AGMO: variants seen among roughly 807,000 people sequenced by gnomAD.
AGMO encodes the protein glyceryl-ether monooxygenase.
Under a neutral mutation model 60.2 loss-of-function variants are expected in AGMO, and 75 were observed. That is an observed-to-expected ratio of 1.25 (90% confidence interval 1.03 to 1.51). The LOEUF (loss-of-function observed/expected upper bound fraction) is 1.51. AGMO is among the 40% of genes most tolerant of loss of function. The probability of loss-of-function intolerance (pLI) is 0.00; values close to 1 mark genes in which losing one functional copy is unlikely to be tolerated. For synonymous variants in AGMO, 261 were observed against 177.1 expected, an observed-to-expected ratio of 1.47 and a Z score of -3.76; for missense variants, 763 against 525.5, an observed-to-expected ratio of 1.45 and a Z score of -4.42.
chr7:15,218,237 G>A (rs1282797935), intron 12 of AGMO, among the ~76,000 whole-genome samples: 2 of 151,736 alleles, frequency 1.3e-5, no homozygotes, highest in Non-Finnish European at 2.9e-5. Flanking sequence ...AAAGCAGAAG[G>A]CTGCTATATT....
intron 9 of AGMO, among the ~76,000 whole-genome samples, chr7:15,385,784 C>T (rs1326082792): frequency 6.6e-6 from 1 of 152,104 alleles, no homozygotes. Flanking sequence ...AGAACTAATT[C>T]AACAATATGT....
intron 11 of AGMO, 122 bp from the exon 12 acceptor site, chr7:15,365,741 G>A (rs998218373): frequency 1.4e-6 from 1 of 694,828 alleles, no homozygotes; most frequent in East Asian, 2.8e-5. Context: ...TATTTGAAAA[G>A]CATGTCCCCT....
chr7:15,310,986 A>G (rs1042265680), intron 12 of AGMO, among the ~76,000 whole-genome samples: 2 of 152,094 alleles, frequency 1.3e-5, no homozygotes, highest in East Asian at 1.9e-4. Flanking sequence ...TCCATTTCTA[A>G]AAACACTTCT....
chr7:15,530,672 T>C (rs1275465545), intron 3 of AGMO, among the ~76,000 whole-genome samples: 3 of 140,874 alleles, frequency 2.1e-5, no homozygotes, highest in Non-Finnish European at 4.6e-5. Flanking sequence ...TATTTCTATA[T>C]ATATATTCTA....
chr7:15,441,432 G>C (rs1283910435), intron 3 of AGMO, among the ~76,000 whole-genome samples: 1 of 152,170 alleles, frequency 6.6e-6, no homozygotes, highest in Non-Finnish European at 1.5e-5. Flanking sequence ...CCGTGAGTTT[G>C]GTTTTGGTGC....
chr7:15,292,521 C>T (rs1269889523), intron 12 of AGMO, among the ~76,000 whole-genome samples: 4 of 152,080 alleles, frequency 2.6e-5, no homozygotes. Flanking sequence ...GTACTGTGAA[C>T]ATGATAGTGA....
At chr7:15,135,979 C>CTTTTTTTTTTTTT in the AGMO span, among the ~76,000 whole-genome samples, 6 of 106,862 alleles carry the variant, frequency 5.6e-5, no homozygotes, top group African/African-American at 1.0e-4. Context: ...TTTTTCTTTT[C>CTTTTTTTTTTTTT]TTTTTTTTTT....
chr7:15,344,965 A>G (rs1187218432), intron 12 of AGMO, among the ~76,000 whole-genome samples: 2 of 152,126 alleles, frequency 1.3e-5, no homozygotes, highest in Admixed American at 1.3e-4. Context: ...TAAATCTTTC[A>G]GTTTTCTGGT....
intron 3 of AGMO, among the ~76,000 whole-genome samples, chr7:15,512,927 G>A (rs1159212688): frequency 6.6e-6 from 1 of 151,812 alleles, no homozygotes; most frequent in Non-Finnish European, 1.5e-5. Context: ...TCTGTTATCA[G>A]ATCTGAGTAC....
At position 15,387,542 on chromosome 7, in the gene AGMO, T is replaced by TA; in HGVS notation, c.823-3dup. Reference sequence around the variant, plus strand: ...CCATATGGAAAATAAGTGATGGAACTAGAAACAATAAAAAAAGAGCTTATT... The same window carrying TA: ...CCATATGGAAAATAAGTGATGGAACTAAGAAACAATAAAAAAAGAGCTTATT... On this transcript the variant is annotated splice_polypyrimidine_tract_variant and splice_region_variant and intron_variant, in intron 8 of 12. Transcript: ENST00000342526. 1 of 1,589,122 alleles carries TA rather than the reference T, an allele frequency of 6.3e-7. No homozygotes were observed. The highest frequency in any genetic ancestry group is 1.8e-5 in the Admixed American group (1 of 55,514).
intron 12 of AGMO, among the ~76,000 whole-genome samples, chr7:15,356,889 C>T (rs1444574269): frequency 6.6e-6 from 1 of 150,476 alleles, no homozygotes; most frequent in Non-Finnish European, 1.5e-5. Context: ...AGGCAGGTCA[C>T]CTGAAGTCAG....
At chr7:15,269,017 G>A (rs942012010) in intron 12 of AGMO, among the ~76,000 whole-genome samples, 24 of 152,050 alleles carry the variant, frequency 1.6e-4, no homozygotes, top group Non-Finnish European at 3.4e-4. Flanking sequence ...TTAGGATTGA[G>A]CAAATTTCTT....
the AGMO span, among the ~76,000 whole-genome samples, chr7:15,152,572 A>G: frequency 6.6e-6 from 1 of 152,040 alleles, no homozygotes; most frequent in Non-Finnish European, 1.5e-5. Flanking sequence ...TTAACTCCCA[A>G]TTATGAGTGA....
intron 5 of AGMO, among the ~76,000 whole-genome samples, chr7:15,413,989 T>G (rs1780685631): frequency 6.6e-6 from 1 of 152,148 alleles, no homozygotes; most frequent in African/African-American, 2.4e-5. Flanking sequence ...AACAATATTT[T>G]GGGATTTATT....
intron 3 of AGMO, among the ~76,000 whole-genome samples, chr7:15,437,726 G>A (rs945571604): frequency 6.6e-6 from 1 of 152,034 alleles, no homozygotes; most frequent in Admixed American, 6.6e-5. Flanking sequence ...ATTTTTAGTA[G>A]AGACGGGGTT....
downstream of AGMO, among the ~76,000 whole-genome samples, chr7:15,198,196 C>CGAGAGAGAGAGAGAGAGAGAGA (rs748392069): frequency 3.9e-5 from 3 of 77,400 alleles, no homozygotes; most frequent in Admixed American, 1.5e-4. Context: ...AGGGCTTTCC[C>CGAGAGAGAGAGAGAGAGAGAGA]GAGAGAGAGA....
At chr7:15,253,182 G>T (rs151014332) in intron 12 of AGMO, among the ~76,000 whole-genome samples, 4 of 152,254 alleles carry the variant, frequency 2.6e-5, no homozygotes, top group Admixed American at 2.6e-4. Flanking sequence ...AAAATTTCTG[G>T]AGTGCTATTT....
chr7:15,179,183 G>A, the AGMO span, among the ~76,000 whole-genome samples: 2 of 152,066 alleles, frequency 1.3e-5, no homozygotes, highest in East Asian at 1.9e-4. Flanking sequence ...CACAATAGGG[G>A]CCATAACATC....
chr7:15,357,580 A>AT (rs1782586556), intron 12 of AGMO, among the ~76,000 whole-genome samples: 1 of 152,202 alleles, frequency 6.6e-6, no homozygotes, highest in Admixed American at 6.5e-5. Context: ...TGTAGCAGAA[A>AT]TATATAGAGT....
Sources: gnomAD v4.1 joint callset for allele counts (sites outside exome capture counted in the v4.1 genomes callset) on GRCh38, gnomAD v4.1.1 for gene constraint, MANE v1.5 for transcripts, NCBI Gene and HGNC (gene_info 2026-07-23, HGNC 2026-07-21) for gene names.